HLCS: variants seen among roughly 807,000 people sequenced by gnomAD.
HLCS encodes the protein holocarboxylase synthetase.
In HLCS, 53 loss-of-function variants were observed where a neutral mutation model predicts 75.0. The observed-to-expected ratio is 0.71, with a 90% CI of 0.57 to 0.89. The LOEUF (loss-of-function observed/expected upper bound fraction) is 0.89. Among genes scored for constraint, HLCS ranks in the 40% least tolerant of loss-of-function variants. HLCS has a pLI of 0.00. For missense variants in HLCS, 966 were observed against 1,074.0 expected (o/e 0.90, Z 1.41); for synonymous variants, 431 against 428.6 (o/e 1.01, Z -0.07).
chr21:36,840,531 A>G (rs2062579689), intron 6 of HLCS, among the ~76,000 whole-genome samples: 1 of 152,234 alleles, frequency 6.6e-6, no homozygotes, highest in African/African-American at 2.4e-5. Flanking sequence ...CTAAGTAGTG[A>G]CATATCGTCA....
intron 6 of HLCS, among the ~76,000 whole-genome samples, chr21:36,798,295 CATA>C (rs2061090858): frequency 1.3e-5 from 2 of 152,140 alleles, no homozygotes; most frequent in Admixed American, 1.3e-4. Context: ...TTTCACTTAG[CATA>C]ATATTTTCAA....
chr21:36,803,025 G>C (rs776956866), intron 6 of HLCS, among the ~76,000 whole-genome samples: 1 of 152,194 alleles, frequency 6.6e-6, no homozygotes, highest in Non-Finnish European at 1.5e-5. Context: ...TGGGCGATCA[G>C]GGTCCAGTTC....
intron 9 of HLCS, among the ~76,000 whole-genome samples, chr21:36,758,264 G>C (rs1217430430): frequency 8.6e-5 from 13 of 151,770 alleles, no homozygotes; most frequent in Non-Finnish European, 1.6e-4. Context: ...GCACCACCAC[G>C]CCCAGCTAAT....
At chr21:36,826,163 A>C (rs755629136) in intron 6 of HLCS, among the ~76,000 whole-genome samples, 4 of 152,216 alleles carry the variant, frequency 2.6e-5, no homozygotes, top group Non-Finnish European at 5.9e-5. Context: ...CACACTCGTG[A>C]AACAGTTCCT....
In HLCS at chr21:36,947,641, TG is replaced by T. The variant is rs2067467731; in HGVS notation, c.331-8648del. The T allele has an allele frequency of 4.1e-6, 4 of 985,338 alleles. No individual in the cohort carries two copies. In the African/African-American group the frequency reaches 5.2e-5, roughly 13 times the overall value. 61.0% of individuals were successfully genotyped at this position (985,338 alleles called of 1,614,324 possible). Reference sequence around the variant, plus strand: ...CCTATAATAGCAGCCAGCAGAAATCTGTTAAGTAACTAAAGCTCTTGACTTG... The same window carrying T: ...CCTATAATAGCAGCCAGCAGAAATCTTTAAGTAACTAAAGCTCTTGACTTG... On this transcript the variant is annotated intron_variant, in intron 2 of 10. Transcript: ENST00000674895.
upstream of HLCS, among the ~76,000 whole-genome samples, chr21:36,970,063 T>C (rs1303916868): frequency 1.3e-5 from 2 of 152,174 alleles, no homozygotes; most frequent in Non-Finnish European, 1.5e-5. Context: ...CTGGGAATAA[T>C]AGTTTGGGGA....
intron 1 of HLCS, among the ~76,000 whole-genome samples, chr21:36,979,038 G>A (rs1477081986): frequency 6.6e-6 from 1 of 152,078 alleles, no homozygotes; most frequent in African/African-American, 2.4e-5. Flanking sequence ...GGGAGGCTGA[G>A]GCGGGCAGAT....
chr21:36,931,751 GA>G (rs924778093), intron 4 of HLCS, among the ~76,000 whole-genome samples: 1 of 137,446 alleles, frequency 7.3e-6, no homozygotes, highest in East Asian at 1.9e-4. Context: ...CATTTAAAAA[GA>G]AAAAAAAAAG....
At chr21:36,920,340 A>G (rs113865227) in intron 5 of HLCS, among the ~76,000 whole-genome samples, 1 of 151,586 alleles carries the variant, frequency 6.6e-6, no homozygotes, top group Non-Finnish European at 1.5e-5. Flanking sequence ...CTCAAGAAAA[A>G]AGAAAAAAAA....
At chr21:36,822,328 A>C (rs1308519041) in intron 6 of HLCS, among the ~76,000 whole-genome samples, 1 of 152,046 alleles carries the variant, frequency 6.6e-6, no homozygotes, top group Non-Finnish European at 1.5e-5. Context: ...GCTGAGGCAG[A>C]AGAATTGCTT....
chr21:36,900,105 GA>G (rs965314064), intron 5 of HLCS, among the ~76,000 whole-genome samples: 4 of 149,466 alleles, frequency 2.7e-5, no homozygotes, highest in African/African-American at 4.9e-5. Flanking sequence ...ACTCAGTCTC[GA>G]AAAAAAACAA....
At chr21:36,756,951 C>T in intron 9 of HLCS, 196 bp from the exon 10 acceptor site, 1 of 985,246 alleles carries the variant, frequency 1.0e-6, no homozygotes, top group Non-Finnish European at 1.2e-6. Flanking sequence ...TTTTATTATT[C>T]TTGTTCAAGC....
intron 6 of HLCS, among the ~76,000 whole-genome samples, chr21:36,792,473 G>A (rs1284911193): frequency 7.1e-6 from 1 of 141,078 alleles, no homozygotes; most frequent in Non-Finnish European, 1.5e-5. Context: ...AGGGAAGGGA[G>A]AGGGGGAGGG....
chr21:36,827,161 T>C (rs1409078429), intron 6 of HLCS, among the ~76,000 whole-genome samples: 1 of 152,142 alleles, frequency 6.6e-6, no homozygotes, highest in Non-Finnish European at 1.5e-5. Flanking sequence ...GGGGAGCTTA[T>C]ACTGGAAGTC....
At chr21:36,833,219 G>A (rs1453626787) in intron 6 of HLCS, among the ~76,000 whole-genome samples, 1 of 151,032 alleles carries the variant, frequency 6.6e-6, no homozygotes, top group Non-Finnish European at 1.5e-5. Flanking sequence ...GTAGAGATGA[G>A]GTCTCACTTT....
chr21:36,971,052 A>G (rs754152145), upstream of HLCS, among the ~76,000 whole-genome samples: 12 of 152,100 alleles, frequency 7.9e-5, no homozygotes, highest in Non-Finnish European at 1.6e-4. Context: ...TTTAATACGT[A>G]TATTAACATG....
chr21:36,752,398 C>T lies in HLCS; in HGVS notation c.*1848G>A, dbSNP rs1483892253. ...AGCATGTTTTTCATTAAATAACCCC[C>T]AAAGAAATTCAAAAAGTGATGATGG... is the stretch of plus-strand genomic sequence containing the variant. On this transcript the variant is annotated 3_prime_UTR_variant, in exon 11 of 11. Transcript: ENST00000674895. 6.6e-6 allele frequency: 1 copy of T among 152,506 alleles called. No homozygotes were observed. Among genetic ancestry groups the T allele is most frequent in the Non-Finnish European group, 1.5e-5 (1 of 68,034 alleles). The allele number at this position is 152,506 out of a possible 1,614,324, so 9.4% of individuals were successfully genotyped here. A position where few individuals can be genotyped will look rare whatever the true frequency, so the allele number is the denominator to read the frequency against.
intron 6 of HLCS, among the ~76,000 whole-genome samples, chr21:36,826,279 G>T (rs1057249645): frequency 6.6e-6 from 1 of 152,112 alleles, no homozygotes; most frequent in Non-Finnish European, 1.5e-5. Context: ...TGTTTTCTAG[G>T]AGTTGTTCCT....
chr21:36,811,589 T>C (rs1477985817), intron 6 of HLCS, among the ~76,000 whole-genome samples: 1 of 152,200 alleles, frequency 6.6e-6, no homozygotes, highest in Non-Finnish European at 1.5e-5. Flanking sequence ...CTTGATACAG[T>C]GGAACTTGGC....
Sources: allele counts gnomAD v4.1 joint callset (sites outside exome capture counted in the v4.1 genomes callset), GRCh38; gene constraint gnomAD v4.1.1; transcripts MANE v1.5; gene names NCBI Gene and HGNC (gene_info 2026-07-23, HGNC 2026-07-21).